The following ROBO2 variants were observed in gnomAD, a reference collection of about 807,000 sequenced individuals.
ROBO2 encodes roundabout guidance receptor 2, also known as roundabout homolog 2.
A neutral mutation model predicts 160.8 loss-of-function variants in ROBO2; 53 were observed. That is an observed-to-expected ratio of 0.33 (90% CI 0.26 to 0.41). ROBO2 has a LOEUF of 0.41. Among genes scored for constraint, ROBO2 ranks in the 10% least tolerant of loss-of-function variants. ROBO2 has a pLI of 1.00. For synonymous variants in ROBO2, 664 were observed against 611.7 expected (o/e 1.09, Z -1.26); for missense variants, 1,577 against 1,722.4 (o/e 0.92, Z 1.49).
At chr3:76,484,175 G>A (rs1003462472) in intron 2 of ROBO2, among the ~76,000 whole-genome samples, 8 of 151,996 alleles carry the variant, frequency 5.3e-5, no homozygotes, top group Admixed American at 2.0e-4. Flanking sequence ...GCACTTGTAC[G>A]TCTGACATTA....
intron 2 of ROBO2, among the ~76,000 whole-genome samples, chr3:76,659,635 C>A (rs2091734408): frequency 6.6e-6 from 1 of 151,940 alleles, no homozygotes; most frequent in East Asian, 1.9e-4. Context: ...TAAAAGGAAG[C>A]CTACGACTTA....
At position 76,986,855 on chromosome 3, in the gene ROBO2, A is replaced by G. The variant is rs76509635; in HGVS notation, c.110-111159A>G. On this transcript the variant is annotated intron_variant, in intron 2 of 26. Transcript: ENST00000487694. ...TAATTGATATCTATTATTAAAATCG[A>G]TAGGGAATATAATAAGTAAACCCCT... 7.3e-4 allele frequency among the ~76,000 whole-genome samples: 110 copies of G among 151,522 alleles called. No homozygotes were observed. In the East Asian group the frequency reaches 0.018, roughly 24 times the overall value.
At chr3:77,030,771 C>A (rs2063270828) in intron 2 of ROBO2, among the ~76,000 whole-genome samples, 1 of 152,192 alleles carries the variant, frequency 6.6e-6, no homozygotes, top group Non-Finnish European at 1.5e-5. Context: ...GGACACGAAT[C>A]ACTGGATTGG....
At chr3:76,918,187 A>G (rs1327296633) in intron 2 of ROBO2, among the ~76,000 whole-genome samples, 1 of 152,240 alleles carries the variant, frequency 6.6e-6, no homozygotes, top group Non-Finnish European at 1.5e-5. Flanking sequence ...ATCCCCATGT[A>G]TCAAGGGTGG....
chr3:76,370,322 T>G (rs1244293920), intron 2 of ROBO2, among the ~76,000 whole-genome samples: 2 of 151,946 alleles, frequency 1.3e-5, no homozygotes, highest in Non-Finnish European at 2.9e-5. Context: ...AATATGCAGA[T>G]GGGAATTGGT....
intron 2 of ROBO2, among the ~76,000 whole-genome samples, chr3:76,409,262 C>T (rs752982866): frequency 5.9e-5 from 9 of 151,908 alleles, no homozygotes; most frequent in African/African-American, 1.9e-4. Context: ...AAGATTATGT[C>T]GGGCTGGCAG....
chr3:77,365,997 A>C (rs2070810124), intron 2 of ROBO2, among the ~76,000 whole-genome samples: 1 of 152,206 alleles, frequency 6.6e-6, no homozygotes, highest in Non-Finnish European at 1.5e-5. Context: ...TTTTTAAAGA[A>C]AAATTCAGCA....
intron 2 of ROBO2, among the ~76,000 whole-genome samples, chr3:76,025,548 G>A (rs1054016348): frequency 2.0e-5 from 3 of 151,662 alleles, no homozygotes; most frequent in Non-Finnish European, 4.4e-5. Context: ...TAAACTTTTT[G>A]AAGTTTTGCA....
intron 1 of ROBO2, among the ~76,000 whole-genome samples, chr3:75,931,040 C>G (rs188494217): frequency 8.5e-5 from 13 of 152,324 alleles, no homozygotes; most frequent in African/African-American, 1.9e-4. Context: ...TGTTCCTCAT[C>G]ATTGCTAATG....
chr3:76,263,088 G>T (rs1407863207), intron 2 of ROBO2, among the ~76,000 whole-genome samples: 2 of 152,086 alleles, frequency 1.3e-5, no homozygotes, highest in African/African-American at 4.8e-5. Flanking sequence ...AATCATCCAT[G>T]TAGCCACATT....
chr3:76,884,486 G>A (rs553809896), intron 2 of ROBO2, among the ~76,000 whole-genome samples: 4 of 152,220 alleles, frequency 2.6e-5, no homozygotes, highest in South Asian at 2.1e-4. Context: ...GCAGAGAAAC[G>A]CAGCAGAGAA....
intron 2 of ROBO2, among the ~76,000 whole-genome samples, chr3:76,549,667 T>G (rs569079480): frequency 6.6e-6 from 1 of 152,224 alleles, no homozygotes; most frequent in African/African-American, 2.4e-5. Flanking sequence ...ATCAATAACG[T>G]AGTGACGCAT....
chr3:76,616,495 A>G, intron 2 of ROBO2, among the ~76,000 whole-genome samples: 1 of 151,894 alleles, frequency 6.6e-6, no homozygotes, highest in East Asian at 1.9e-4. Context: ...TGTTATTAGC[A>G]TTTTTTTTCT....
intron 2 of ROBO2, among the ~76,000 whole-genome samples, chr3:77,360,853 G>A (rs1259320775): frequency 6.6e-6 from 1 of 150,428 alleles, no homozygotes; most frequent in Non-Finnish European, 1.5e-5. Flanking sequence ...GCATCCAAAG[G>A]TTTTCTTAGG....
chr3:77,531,076 C>T (rs144396370), intron 6 of ROBO2, among the ~76,000 whole-genome samples: 105 of 152,062 alleles, frequency 6.9e-4, no homozygotes, highest in Non-Finnish European at 1.2e-3. Context: ...GCCTTGCTTA[C>T]GAAGCCGTCC....
intron 2 of ROBO2, among the ~76,000 whole-genome samples, chr3:76,385,922 C>G (rs73118819): frequency 0.026 from 3,893 of 152,170 alleles, 75 homozygotes; most frequent in Non-Finnish European, 0.04. Context: ...CTAAGGCCAA[C>G]AGAAAATAAG....
At chr3:77,319,849 C>T (rs560794209) in intron 2 of ROBO2, among the ~76,000 whole-genome samples, 4 of 152,242 alleles carry the variant, frequency 2.6e-5, no homozygotes, top group Admixed American at 2.6e-4. Context: ...GAGAAAGTTG[C>T]TTATGCTATT....
intron 2 of ROBO2, among the ~76,000 whole-genome samples, chr3:76,917,453 C>T (rs2076392451): frequency 6.6e-6 from 1 of 152,106 alleles, no homozygotes; most frequent in African/African-American, 2.4e-5. Context: ...ATCATGAAAA[C>T]ATTAGGAAAC....
At chr3:77,293,068 A>G (rs2061511928) in intron 2 of ROBO2, among the ~76,000 whole-genome samples, 3 of 150,956 alleles carry the variant, frequency 2.0e-5, no homozygotes, top group African/African-American at 7.3e-5. Context: ...CTGAGGCTAG[A>G]GCACTAAAGA....
Sources: gnomAD v4.1 joint callset for allele counts (sites outside exome capture counted in the v4.1 genomes callset) on GRCh38, gnomAD v4.1.1 for gene constraint, MANE v1.5 for transcripts, NCBI Gene and HGNC (gene_info 2026-07-23, HGNC 2026-07-21) for gene names.